GBE1: variants seen among roughly 807,000 people sequenced by gnomAD.
GBE1 encodes 1,4-alpha-glucan-branching enzyme.
Under a neutral mutation model 88.8 loss-of-function variants are expected in GBE1, and 70 were observed. The ratio of observed to expected loss-of-function variants is 0.79; its 90% CI spans 0.65 to 0.96. The LOEUF (loss-of-function observed/expected upper bound fraction) is 0.96, where lower values mean the gene tolerates loss of function less well. GBE1 is among the 40% of genes least tolerant of loss of function. The pLI is 0.00. For synonymous variants in GBE1, 284 were observed against 300.1 expected (o/e 0.95, Z 0.56); for missense variants, 872 against 871.0 (o/e 1.00, Z -0.01).
intron 15 of GBE1, among the ~76,000 whole-genome samples, chr3:81,492,572 T>G (rs1162812478): frequency 6.6e-6 from 1 of 152,066 alleles, no homozygotes; most frequent in East Asian, 1.9e-4. Flanking sequence ...TAAAGGAGTT[T>G]CCCATGTACT....
chr3:81,615,142 C>T (rs2107000507), intron 7 of GBE1, among the ~76,000 whole-genome samples: 1 of 152,180 alleles, frequency 6.6e-6, no homozygotes, highest in Non-Finnish European at 1.5e-5. Context: ...AGAGGGAATA[C>T]TTAAATAATT....
chr3:81,761,318 C>A lies in GBE1; in HGVS notation c.143+57G>T, dbSNP rs539466256. 29 of 1,549,514 alleles carry A rather than the reference C, an allele frequency of 1.9e-5. No individual in the cohort carries two copies. In the African/African-American group the frequency reaches 2.6e-4, roughly 14 times the overall value. On this transcript the variant is annotated intron_variant, in intron 1 of 15. Transcript: ENST00000429644. ...CCGAGGGGCGGCCCGTGTCCCGAGA[C>A]GGCTCCTGGGAGGCGGGCTGCCTGT...
At chr3:81,609,540 C>T (rs1002210572) in intron 7 of GBE1, among the ~76,000 whole-genome samples, 2 of 152,062 alleles carry the variant, frequency 1.3e-5, no homozygotes, top group Admixed American at 6.6e-5. Flanking sequence ...CTAATGTTTG[C>T]TCCCTAGGAT....
At chr3:81,753,603 G>C (rs1559709921) in intron 1 of GBE1, among the ~76,000 whole-genome samples, 1 of 152,162 alleles carries the variant, frequency 6.6e-6, no homozygotes, top group Non-Finnish European at 1.5e-5. Context: ...CATTTCTCAG[G>C]AGGTGGTGCA....
At chr3:81,522,548 C>A (rs557251705) in intron 14 of GBE1, among the ~76,000 whole-genome samples, 2 of 151,324 alleles carry the variant, frequency 1.3e-5, no homozygotes, top group Non-Finnish European at 1.5e-5. Flanking sequence ...CCTGCCCCCC[C>A]CAAATTTAAA....
chr3:81,675,442 G>A (rs1454121378), intron 2 of GBE1, among the ~76,000 whole-genome samples: 1 of 151,962 alleles, frequency 6.6e-6, no homozygotes, highest in African/African-American at 2.4e-5. Flanking sequence ...GTATTAATGT[G>A]AGGGAATAGA....
chr3:81,559,389 G>A (rs1306022475), intron 12 of GBE1, among the ~76,000 whole-genome samples: 14 of 151,842 alleles, frequency 9.2e-5, no homozygotes, highest in Admixed American at 8.6e-4. Flanking sequence ...ATGCAGTGTT[G>A]CTCAATTCTT....
chr3:81,541,477 A>G (rs973451580), intron 12 of GBE1, among the ~76,000 whole-genome samples: 3 of 145,986 alleles, frequency 2.1e-5, no homozygotes, highest in Non-Finnish European at 4.5e-5. Flanking sequence ...GCCCAAATTC[A>G]TATGTTGAAA....
intron 14 of GBE1, among the ~76,000 whole-genome samples, chr3:81,508,264 T>G (rs1257511200): frequency 6.6e-6 from 1 of 152,108 alleles, no homozygotes; most frequent in African/African-American, 2.4e-5. Flanking sequence ...TCCTAGAAGA[T>G]TATATAACTT....
intron 14 of GBE1, among the ~76,000 whole-genome samples, chr3:81,525,526 T>A (rs1702931719): frequency 6.6e-6 from 1 of 152,132 alleles, no homozygotes; most frequent in Non-Finnish European, 1.5e-5. Context: ...GGCTTTGGTA[T>A]CAGGATGATG....
intron 4 of GBE1, among the ~76,000 whole-genome samples, chr3:81,649,198 A>G (rs1367567963): frequency 1.3e-5 from 2 of 152,120 alleles, no homozygotes; most frequent in African/African-American, 4.8e-5. Context: ...AAGATAAATC[A>G]TGTAATAGCT....
At chr3:81,654,399 G>A (rs1293318261) in intron 3 of GBE1, among the ~76,000 whole-genome samples, 1 of 152,084 alleles carries the variant, frequency 6.6e-6, no homozygotes, top group African/African-American at 2.4e-5. Context: ...AATTTTCCAT[G>A]TACTGGAAAA....
chr3:81,708,066 A>C, intron 1 of GBE1, among the ~76,000 whole-genome samples: 1 of 152,186 alleles, frequency 6.6e-6, no homozygotes, highest in South Asian at 2.1e-4. Flanking sequence ...ACATTATTAA[A>C]ACAGTAACAT....
chr3:81,517,334 CA>C (rs546853633), intron 14 of GBE1, among the ~76,000 whole-genome samples: 63 of 151,478 alleles, frequency 4.2e-4, no homozygotes, highest in African/African-American at 1.4e-3. Flanking sequence ...ATGGCATGTA[CA>C]TTTTTTTTTA....
chr3:81,603,908 G>C (rs1449552754), intron 7 of GBE1, among the ~76,000 whole-genome samples: 1 of 152,112 alleles, frequency 6.6e-6, no homozygotes, highest in Non-Finnish European at 1.5e-5. Context: ...AGACACAAAA[G>C]TTTATGACAT....
intron 12 of GBE1, among the ~76,000 whole-genome samples, chr3:81,548,645 T>G (rs1370807981): frequency 6.6e-6 from 1 of 151,328 alleles, no homozygotes; most frequent in Non-Finnish European, 1.5e-5. Context: ...TATGTTGTTT[T>G]GATCCTCTTC....
At chr3:81,613,887 G>T (rs1704213910) in intron 7 of GBE1, among the ~76,000 whole-genome samples, 1 of 150,272 alleles carries the variant, frequency 6.7e-6, no homozygotes, top group Non-Finnish European at 1.5e-5. Context: ...AACATTGAAA[G>T]TGTACAAGCT....
At chr3:81,563,949 G>GGAA (rs1177631885) in intron 12 of GBE1, among the ~76,000 whole-genome samples, 3 of 150,864 alleles carry the variant, frequency 2.0e-5, no homozygotes, top group African/African-American at 7.3e-5. Flanking sequence ...AAGGGACGAA[G>GGAA]GAAGGAAGGA....
intron 3 of GBE1, among the ~76,000 whole-genome samples, chr3:81,667,889 G>A (rs916591987): frequency 4.6e-5 from 7 of 152,026 alleles, no homozygotes; most frequent in Non-Finnish European, 7.4e-5. Flanking sequence ...GTTCATCAGG[G>A]AAATCATTCT....
Sources: allele counts gnomAD v4.1 joint callset (sites outside exome capture counted in the v4.1 genomes callset), GRCh38; gene constraint gnomAD v4.1.1; transcripts MANE v1.5; gene names NCBI Gene and HGNC (gene_info 2026-07-23, HGNC 2026-07-21).